MUSK: variants seen among roughly 807,000 people sequenced by gnomAD.
The protein encoded by MUSK is muscle associated receptor tyrosine kinase.
A neutral mutation model predicts 88.7 loss-of-function variants in MUSK; 55 were observed. That is an observed-to-expected ratio of 0.62 (90% CI 0.50 to 0.78). The LOEUF (loss-of-function observed/expected upper bound fraction) is 0.78, where lower values mean the gene tolerates loss of function less well. Ranked by LOEUF, MUSK falls within the 30% of genes least tolerant of loss-of-function variation. The probability of loss-of-function intolerance (pLI) is 0.00; values close to 1 mark genes in which losing one functional copy is unlikely to be tolerated. For missense variants in MUSK, 1,015 were observed against 1,074.3 expected (o/e 0.94, Z 0.77); for synonymous variants, 387 against 391.9 (o/e 0.99, Z 0.15).
chr9:110,762,202 A>G lies in MUSK; in HGVS notation c.914A>G (p.Glu305Gly). The change falls in exon 8 of 15, where the codon GAA becomes GGA. Residue 305 changes from glutamate to glycine, a missense_variant and splice_region_variant. Coordinates refer to ENST00000374448, the MANE Select transcript of MUSK (RefSeq NM_005592.4). ...TGGGAACTTCCTTTCCTGTTAATAG[A>G]ATGGAGGTAAGAAACTGTTATTGTA... is the stretch of plus-strand genomic sequence containing the variant. ...AKAAATISIA[E>G]WSKPQKDNKG... 6.9e-7 allele frequency: 1 copy of G among 1,441,730 alleles called. No individual in the cohort carries two copies. The highest frequency in any genetic ancestry group is 2.2e-5 in the Admixed American group (1 of 44,530). The allele number at this position is 1,441,730 out of a possible 1,614,324, so 89.3% of individuals were successfully genotyped here. A position where few individuals can be genotyped will look rare whatever the true frequency, so the allele number is the denominator to read the frequency against.
chr9:110,711,991 A>G (rs546889702), intron 5 of MUSK, among the ~76,000 whole-genome samples: 4 of 152,264 alleles, frequency 2.6e-5, no homozygotes, highest in African/African-American at 9.6e-5. Context: ...AATTCTGTCC[A>G]GTGGAAAAGC....
Position 110,716,108 on chromosome 9 carries a change from C to T in MUSK, c.629-18143C>T, listed in dbSNP as rs369338716. ...CTATGTAACAAACCTGCACATCCTG[C>T]ACTTGTACCCCTGAACTTAAAATAG... On this transcript the variant is annotated intron_variant, in intron 5 of 14. Coordinates refer to ENST00000374448, the MANE Select transcript of MUSK (RefSeq NM_005592.4). Among the ~76,000 whole-genome samples the T allele has an allele frequency of 7.4e-4, 111 of 149,574 alleles. 10 individuals are homozygous for T. The highest frequency in any genetic ancestry group is 2.6e-3 in the African/African-American group (102 of 39,320).
At chr9:110,742,770 A>G (rs547213732) in intron 6 of MUSK, among the ~76,000 whole-genome samples, 126 of 152,338 alleles carry the variant, frequency 8.3e-4, no homozygotes, top group African/African-American at 3.0e-3. Flanking sequence ...TAAAACAAAC[A>G]AAGTGACTTT....
chr9:110,685,555 C>T (rs927557766), intron 2 of MUSK, among the ~76,000 whole-genome samples: 5 of 152,106 alleles, frequency 3.3e-5, no homozygotes, highest in African/African-American at 1.2e-4. Flanking sequence ...CATTCACAAG[C>T]TTTGTTTTCC....
intron 14 of MUSK, among the ~76,000 whole-genome samples, chr9:110,797,171 A>G (rs2078019216): frequency 7.3e-6 from 1 of 137,666 alleles, no homozygotes; most frequent in Admixed American, 7.2e-5. Flanking sequence ...CCAAAAAAAA[A>G]AAAAAAAAAA....
Position 110,767,930 on chromosome 9 carries a change from C to T in MUSK, c.1031C>T (p.Pro344Leu). 1 of 1,613,940 alleles carries T rather than the reference C, an allele frequency of 6.2e-7. No homozygotes were observed. The highest frequency in any genetic ancestry group is 8.5e-7 in the Non-Finnish European group (1 of 1,179,886). Residue 344 changes from proline to leucine, a missense_variant, in exon 9 of 15, where the codon CCT (proline) becomes CTT (leucine). By Grantham distance (98) the Pro-to-Leu change is moderately conservative (BLOSUM62 -3). Transcript: ENST00000374448. ...TTTCTCAACACCTCCTATGCGGACC[C>T]TGAGGAGGCCCAAGAGCTACTGGTC... is the stretch of plus-strand genomic sequence containing the variant. ...LVFLNTSYADPEEAQELLVHT... is the reference protein window; with the variant it reads ...LVFLNTSYADLEEAQELLVHT...
At chr9:110,774,072 T>C (rs1004617983) in intron 9 of MUSK, among the ~76,000 whole-genome samples, 1 of 152,200 alleles carries the variant, frequency 6.6e-6, no homozygotes, top group African/African-American at 2.4e-5. Context: ...TTATGTGCTC[T>C]GGTTCTCTTG....
chr9:110,695,064 T>A lies in MUSK; in HGVS notation c.359-339T>A, dbSNP rs559618188. Among the ~76,000 whole-genome samples the A allele has an allele frequency of 3.9e-5, 6 of 152,306 alleles. 1 individual carries two copies. The East Asian group carries it at 1.2e-3, about 29-fold the overall frequency. ...TTTATGTCTATCAGTATGAATTAAA[T>A]AATGTTGAATTGCTATGGTGACAGT... On this transcript the variant is annotated intron_variant, in intron 3 of 14. Transcript: ENST00000374448.
Position 110,798,345 on chromosome 9 carries a change from T to G in MUSK, c.1928-1961T>G, listed in dbSNP as rs556787710. ...TTATTGAAATCCTAGTGGATAATGG[T>G]TTTGTAGTCATAAATTGGGAAAAAT... On this transcript the variant is annotated intron_variant, in intron 14 of 14. Coordinates refer to ENST00000374448, the MANE Select transcript of MUSK (RefSeq NM_005592.4). 4.6e-5 allele frequency among the ~76,000 whole-genome samples: 7 copies of G among 152,338 alleles called. No homozygotes were observed. In the East Asian group the frequency reaches 1.3e-3, roughly 29 times the overall value.
At chr9:110,689,237 A>C (rs1289422323) in intron 3 of MUSK, among the ~76,000 whole-genome samples, 24 of 53,846 alleles carry the variant, frequency 4.5e-4, no homozygotes, top group African/African-American at 3.4e-3. Flanking sequence ...ATAAATATAT[A>C]AATATATAAA....
rs1387404701 is a variant in MUSK, at chr9:110,805,641, T to C, written c.*4653T>C. ...TGTCTTTTATTGTAGGTTTTATCAA[T>C]CAGAAAAGAATGTTGACTTTTCCGT... is the stretch of plus-strand genomic sequence containing the variant. On this transcript the variant is annotated 3_prime_UTR_variant, in exon 15 of 15. Coordinates refer to ENST00000374448, the MANE Select transcript of MUSK (RefSeq NM_005592.4). Among the ~76,000 whole-genome samples the C allele has an allele frequency of 6.6e-6, 1 of 152,000 alleles. No individual in the cohort carries two copies. The highest frequency in any genetic ancestry group is 1.9e-4 in the East Asian group (1 of 5,204).
intron 5 of MUSK, among the ~76,000 whole-genome samples, chr9:110,716,578 A>G (rs1217179499): frequency 1.3e-5 from 2 of 150,008 alleles, no homozygotes; most frequent in Non-Finnish European, 1.5e-5. Flanking sequence ...ATTTGGAATC[A>G]TAGGCAACTG....
chr9:110,763,196 T>C (rs1222087092), intron 8 of MUSK, among the ~76,000 whole-genome samples: 1 of 152,194 alleles, frequency 6.6e-6, no homozygotes, highest in Non-Finnish European at 1.5e-5. Flanking sequence ...AAAATCATGA[T>C]ACACATTATA....
In MUSK at chr9:110,728,427, G is replaced by C. The variant is rs952460208; in HGVS notation, c.629-5824G>C. 1.5e-5 allele frequency: 7 copies of C among 455,266 alleles called. No individual in the cohort carries two copies. The Admixed American group carries it at 2.8e-4, about 18-fold the overall frequency. The allele number at this position is 455,266 out of a possible 1,614,324, so 28.2% of individuals were successfully genotyped here. A position where few individuals can be genotyped will look rare whatever the true frequency, so the allele number is the denominator to read the frequency against. On this transcript the variant is annotated intron_variant, in intron 5 of 14. Coordinates refer to ENST00000374448, the MANE Select transcript of MUSK (RefSeq NM_005592.4). ...ATGAAAGAGCTACATTGTTAGGTAT[G>C]CTGTAGTTTATTTTCTGTATAATAC...
At chr9:110,675,934 C>T (rs1272482015) in intron 1 of MUSK, among the ~76,000 whole-genome samples, 1 of 152,064 alleles carries the variant, frequency 6.6e-6, no homozygotes, top group East Asian at 1.9e-4. Context: ...AACCACACTC[C>T]ACAAGCTTAA....
chr9:110,728,829 A>AAC, intron 5 of MUSK: 1 of 776,216 alleles, frequency 1.3e-6, no homozygotes, highest in Non-Finnish European at 1.9e-6. Flanking sequence ...AGAAATAACA[A>AAC]ACAATGTATG....
intron 3 of MUSK, among the ~76,000 whole-genome samples, chr9:110,690,255 T>G (rs1338453966): frequency 9.4e-6 from 1 of 106,060 alleles, no homozygotes; most frequent in East Asian, 3.1e-4. Context: ...TAAATATATA[T>G]AAATATATAT....
intron 8 of MUSK, among the ~76,000 whole-genome samples, chr9:110,766,741 A>G (rs2077490941): frequency 6.6e-6 from 1 of 152,218 alleles, no homozygotes; most frequent in Non-Finnish European, 1.5e-5. Flanking sequence ...AAGACAATGA[A>G]AAACTAAATT....
intron 2 of MUSK, among the ~76,000 whole-genome samples, chr9:110,684,949 CTTAATATCT>C (rs1443562738): frequency 6.6e-6 from 1 of 152,018 alleles, no homozygotes; most frequent in African/African-American, 2.4e-5. Flanking sequence ...TTGGATGGCC[CTTAATATCT>C]TTCTCTTGTC....
Sources: gnomAD v4.1 joint callset for allele counts (sites outside exome capture counted in the v4.1 genomes callset) on GRCh38, gnomAD v4.1.1 for gene constraint, MANE v1.5 for transcripts, NCBI Gene and HGNC (gene_info 2026-07-23, HGNC 2026-07-21) for gene names.